Variants in LRRC4C observed in about 807,000 individuals in gnomAD.
The protein encoded by LRRC4C is leucine-rich repeat-containing protein 4C.
LRRC4C carries 5 observed loss-of-function variants against 33.6 expected under a neutral mutation model. That is an observed-to-expected ratio of 0.15 (90% confidence interval 0.08 to 0.31). The LOEUF (loss-of-function observed/expected upper bound fraction) is 0.31. LRRC4C is among the 10% of genes least tolerant of loss of function. LRRC4C has a pLI of 1.00. For synonymous variants in LRRC4C, 329 were observed against 302.0 expected (o/e 1.09, Z -0.93); for missense variants, 560 against 796.7 (o/e 0.70, Z 3.58).
At chr11:41,230,845 C>G (rs1252868181) in intron 1 of LRRC4C, among the ~76,000 whole-genome samples, 2 of 131,002 alleles carry the variant, frequency 1.5e-5, no homozygotes, top group African/African-American at 5.6e-5. Flanking sequence ...GAAAATTTTG[C>G]AATCTACTCA....
intron 1 of LRRC4C, among the ~76,000 whole-genome samples, chr11:40,994,998 TCAG>T (rs1472463323): frequency 1.3e-5 from 2 of 152,120 alleles, no homozygotes; most frequent in African/African-American, 4.8e-5. Flanking sequence ...GAGGTGAAAT[TCAG>T]AGAGGACTGA....
At chr11:40,647,179 G>C (rs1942518666) in intron 3 of LRRC4C, among the ~76,000 whole-genome samples, 1 of 152,200 alleles carries the variant, frequency 6.6e-6, no homozygotes, top group African/African-American at 2.4e-5. Context: ...AACTGAGAGA[G>C]AGCTAAATAT....
intron 1 of LRRC4C, among the ~76,000 whole-genome samples, chr11:41,321,491 C>T (rs754102964): frequency 1.3e-5 from 2 of 152,052 alleles, no homozygotes; most frequent in Admixed American, 6.6e-5. Flanking sequence ...TCAAAAGGAC[C>T]GTAGAATTCA....
chr11:40,939,331 T>A (rs1592141223), intron 1 of LRRC4C, among the ~76,000 whole-genome samples: 1 of 152,320 alleles, frequency 6.6e-6, no homozygotes, highest in East Asian at 1.9e-4. Flanking sequence ...TCAATGTTTG[T>A]TATAAATAAT....
At chr11:40,373,783 C>T (rs1271161726) in intron 3 of LRRC4C, among the ~76,000 whole-genome samples, 1 of 152,150 alleles carries the variant, frequency 6.6e-6, no homozygotes, top group Non-Finnish European at 1.5e-5. Flanking sequence ...CTTACTTCCT[C>T]TCTCACAATG....
chr11:41,187,476 C>T (rs551360659), intron 1 of LRRC4C, among the ~76,000 whole-genome samples: 1 of 152,274 alleles, frequency 6.6e-6, no homozygotes, highest in East Asian at 1.9e-4. Context: ...GCCACTGAGT[C>T]GCCCAACTCC....
At chr11:40,139,341 GTTTA>G (rs1239873645) in intron 6 of LRRC4C, among the ~76,000 whole-genome samples, 1 of 152,152 alleles carries the variant, frequency 6.6e-6, no homozygotes, top group Non-Finnish European at 1.5e-5. Flanking sequence ...TTCACAAGCT[GTTTA>G]TTTAATTATG....
At chr11:41,012,764 T>C (rs544152306) in intron 1 of LRRC4C, among the ~76,000 whole-genome samples, 1 of 152,288 alleles carries the variant, frequency 6.6e-6, no homozygotes, top group East Asian at 1.9e-4. Context: ...TTGTCTCTTT[T>C]TTTATAGAAG....
At chr11:41,139,796 T>A (rs1943424502) in intron 1 of LRRC4C, among the ~76,000 whole-genome samples, 1 of 152,202 alleles carries the variant, frequency 6.6e-6, no homozygotes, top group African/African-American at 2.4e-5. Flanking sequence ...AAATCTGCTC[T>A]TCTTGGAGCA....
intron 3 of LRRC4C, among the ~76,000 whole-genome samples, chr11:40,387,895 T>C (rs1037536877): frequency 2.0e-5 from 3 of 152,200 alleles, no homozygotes; most frequent in African/African-American, 7.2e-5. Flanking sequence ...CTTTTGAGGC[T>C]GGGTTAATTT....
At chr11:41,037,558 C>T (rs1326761734) in intron 1 of LRRC4C, among the ~76,000 whole-genome samples, 1 of 145,602 alleles carries the variant, frequency 6.9e-6, no homozygotes. Context: ...GCTGAACTTT[C>T]TTACTTCTTT....
chr11:40,248,473 G>GT (rs1231464842), intron 4 of LRRC4C, among the ~76,000 whole-genome samples: 1 of 152,154 alleles, frequency 6.6e-6, no homozygotes, highest in Non-Finnish European at 1.5e-5. Context: ...GCTCATGCCT[G>GT]TAATCCCAGT....
At chr11:40,676,280 T>G (rs1944395347) in intron 2 of LRRC4C, among the ~76,000 whole-genome samples, 2 of 152,170 alleles carry the variant, frequency 1.3e-5, no homozygotes, top group Admixed American at 6.5e-5. Flanking sequence ...TCTTCATGCC[T>G]TTCTGGGTTC....
intron 4 of LRRC4C, among the ~76,000 whole-genome samples, chr11:40,300,830 C>A (rs1397613494): frequency 1.3e-5 from 2 of 152,178 alleles, no homozygotes; most frequent in East Asian, 1.9e-4. Context: ...GAGGCAGAGT[C>A]TAGCTCTGTT....
At chr11:41,056,200 T>C (rs1417692820) in intron 1 of LRRC4C, among the ~76,000 whole-genome samples, 1 of 152,162 alleles carries the variant, frequency 6.6e-6, no homozygotes, top group Non-Finnish European at 1.5e-5. Flanking sequence ...CCAAGCTCAA[T>C]GCCCAATTCA....
At chr11:40,199,983 G>C (rs539361387) in intron 5 of LRRC4C, among the ~76,000 whole-genome samples, 2 of 151,798 alleles carry the variant, frequency 1.3e-5, no homozygotes, top group Non-Finnish European at 2.9e-5. Context: ...CGGAACTCAG[G>C]ACCACCTGCC....
intron 1 of LRRC4C, among the ~76,000 whole-genome samples, chr11:40,966,580 A>G (rs1194562892): frequency 6.6e-6 from 1 of 151,936 alleles, no homozygotes; most frequent in Non-Finnish European, 1.5e-5. Context: ...TAAAGCCCCT[A>G]TCTTAGCATA....
intron 5 of LRRC4C, among the ~76,000 whole-genome samples, chr11:40,235,630 T>C (rs1865502163): frequency 6.6e-6 from 1 of 152,212 alleles, no homozygotes. Context: ...TGAAAAGTGT[T>C]TTCACTATAA....
intron 1 of LRRC4C, among the ~76,000 whole-genome samples, chr11:41,376,962 G>T (rs1358072080): frequency 2.0e-5 from 3 of 152,054 alleles, no homozygotes; most frequent in African/African-American, 7.2e-5. Context: ...TGTTATGAAA[G>T]AGAAAAGGGC....
Sources: gnomAD v4.1 joint callset for allele counts (sites outside exome capture counted in the v4.1 genomes callset) on GRCh38, gnomAD v4.1.1 for gene constraint, MANE v1.5 for transcripts, NCBI Gene and HGNC (gene_info 2026-07-23, HGNC 2026-07-21) for gene names.